The following PDK1 variants were observed in gnomAD, a reference collection of about 807,000 sequenced individuals.
PDK1 encodes the protein [Pyruvate dehydrogenase (acetyl-transferring)] kinase isozyme 1, mitochondrial.
In PDK1, 39 loss-of-function variants were observed where a neutral mutation model predicts 54.2. The observed-to-expected ratio is 0.72, with a 90% confidence interval of 0.56 to 0.94. PDK1 has a LOEUF of 0.94. Ranked by LOEUF, PDK1 falls within the 40% of genes least tolerant of loss-of-function variation. PDK1 has a pLI of 0.00. For missense variants in PDK1, 552 were observed against 566.0 expected (o/e 0.98, Z 0.25); for synonymous variants, 221 against 207.1 (o/e 1.07, Z -0.58).
At chr2:172,650,637 C>G in the PDK1 span, among the ~76,000 whole-genome samples, 1 of 151,976 alleles carries the variant, frequency 6.6e-6, no homozygotes, top group Admixed American at 6.6e-5. Flanking sequence ...GGAGGAAGAT[C>G]TACCAAGCAA....
At position 172,604,084 on chromosome 2, in the gene PDK1, T is replaced by C. The variant is rs984179512; in HGVS notation, c.*8115T>C. On this transcript the variant is annotated 3_prime_UTR_variant, in exon 11 of 11. Coordinates refer to ENST00000282077, the MANE Select transcript of PDK1 (RefSeq NM_002610.5). The stretch of plus-strand genomic sequence containing the variant: ...TTTATGAACATGGCGTATATCTTTT[T>C]TGGCGGGGGGTGAGGACAGAGTCTT... The C allele has an allele frequency of 2.0e-5, 3 of 152,224 alleles. No homozygotes were observed. Among genetic ancestry groups the C allele is most frequent in the African/African-American group, 7.2e-5 (3 of 41,448 alleles). 9.4% of individuals were successfully genotyped at this position (152,224 alleles called of 1,614,324 possible).
intron 8 of PDK1, among the ~76,000 whole-genome samples, chr2:172,582,170 T>TC (rs1689948399): frequency 6.6e-6 from 1 of 152,172 alleles, no homozygotes; most frequent in African/African-American, 2.4e-5. Flanking sequence ...CACCTCAGAC[T>TC]CCCAAAGTGC....
At chr2:172,582,310 T>C (rs911186181) in intron 8 of PDK1, among the ~76,000 whole-genome samples, 10 of 152,336 alleles carry the variant, frequency 6.6e-5, no homozygotes, top group South Asian at 2.1e-4. Flanking sequence ...TAAGAAACTT[T>C]AGGAACTCTG....
chr2:172,672,544 A>G, the PDK1 span, among the ~76,000 whole-genome samples: 1 of 152,004 alleles, frequency 6.6e-6, no homozygotes, highest in Non-Finnish European at 1.5e-5. Context: ...TACCCTTCAC[A>G]GATACTGCAT....
At chr2:172,591,185 G>A (rs1379716441) in intron 9 of PDK1, among the ~76,000 whole-genome samples, 1 of 152,204 alleles carries the variant, frequency 6.6e-6, no homozygotes, top group Non-Finnish European at 1.5e-5. Context: ...TTGACAAGGA[G>A]GTTAAAAATA....
chr2:172,655,121 G>A, the PDK1 span, among the ~76,000 whole-genome samples: 14 of 152,248 alleles, frequency 9.2e-5, no homozygotes, highest in Admixed American at 2.6e-4. Flanking sequence ...GAGCTCCCCC[G>A]CTATCCAGCC....
At chr2:172,649,859 C>T in the PDK1 span, among the ~76,000 whole-genome samples, 110 of 152,164 alleles carry the variant, frequency 7.2e-4, no homozygotes, top group Admixed American at 2.4e-3. Context: ...AATTTACGTC[C>T]GATTGGTGTA....
At chr2:172,664,963 A>C in the PDK1 span, among the ~76,000 whole-genome samples, 1 of 152,232 alleles carries the variant, frequency 6.6e-6, no homozygotes, top group African/African-American at 2.4e-5. Flanking sequence ...GATGTTTTCA[A>C]ACTTTTTGGT....
the PDK1 span, among the ~76,000 whole-genome samples, chr2:172,622,470 CATATT>C: frequency 7.5e-5 from 10 of 134,028 alleles, no homozygotes; most frequent in South Asian, 1.9e-3. Context: ...GTTTATATCT[CATATT>C]ATGTGAGATA....
chr2:172,555,908 C>T (rs973035805), upstream of PDK1: 3 of 357,962 alleles, frequency 8.4e-6, no homozygotes, highest in South Asian at 3.1e-4. Flanking sequence ...CCTCGGGAGG[C>T]TGGGCGGGAC....
the PDK1 span, among the ~76,000 whole-genome samples, chr2:172,650,625 A>T: frequency 1.3e-5 from 2 of 152,152 alleles, no homozygotes; most frequent in Non-Finnish European, 2.9e-5. Context: ...AAATAAAGGG[A>T]TGGAGGAAGA....
chr2:172,570,882 A>T, intron 8 of PDK1, 58 bp downstream of exon 8: 2 of 928,460 alleles, frequency 2.2e-6, no homozygotes, highest in Non-Finnish European at 1.7e-6. Flanking sequence ...ATGAACAGAC[A>T]TGCAAAGGTA....
Position 172,599,015 on chromosome 2 carries a change from A to G in PDK1, c.*3046A>G, listed in dbSNP as rs931941415. On this transcript the variant is annotated 3_prime_UTR_variant, in exon 11 of 11. Transcript: ENST00000282077. ...GGAGAAAGCAAGAGGTAGAGTTTGTATGTTTGACTTACCTTAGATTTTTAT... is the reference window on the plus strand; with the variant it reads ...GGAGAAAGCAAGAGGTAGAGTTTGTGTGTTTGACTTACCTTAGATTTTTAT... 7.2e-5 allele frequency: 11 copies of G among 152,124 alleles called. No individual in the cohort carries two copies. Among genetic ancestry groups the G allele is most frequent in the Admixed American group, 6.6e-4 (10 of 15,256 alleles). The allele number at this position is 152,124 out of a possible 1,614,324, so 9.4% of individuals were successfully genotyped here.
chr2:172,571,785 G>A (rs1416142245), intron 8 of PDK1, among the ~76,000 whole-genome samples: 1 of 142,160 alleles, frequency 7.0e-6, no homozygotes, highest in East Asian at 2.1e-4. Context: ...CTGGCCCTTT[G>A]TAGGCCTCAT....
the PDK1 span, among the ~76,000 whole-genome samples, chr2:172,644,814 T>C: frequency 2.6e-5 from 4 of 152,266 alleles, no homozygotes; most frequent in African/African-American, 9.6e-5. Flanking sequence ...ACATAAGGAG[T>C]GTGATGTCAG....
In PDK1 at chr2:172,606,753, A is replaced by C. The variant is rs1691311071; in HGVS notation, c.*10784A>C. 6.6e-6 allele frequency: 1 copy of C among 151,832 alleles called. No homozygotes were observed. Among genetic ancestry groups the C allele is most frequent in the Non-Finnish European group, 1.5e-5 (1 of 67,966 alleles). The allele number at this position is 151,832 out of a possible 1,614,324, so 9.4% of individuals were successfully genotyped here. A position where few individuals can be genotyped will look rare whatever the true frequency, so the allele number is the denominator to read the frequency against. ...CCTTTTTTTTTTAAAAAAAAAAAAA[A>C]ACCTTTTTCATGTTGAAGTTCACAT... is the stretch of plus-strand genomic sequence containing the variant. On this transcript the variant is annotated 3_prime_UTR_variant, in exon 11 of 11. Coordinates refer to ENST00000282077, the MANE Select transcript of PDK1 (RefSeq NM_002610.5).
intron 9 of PDK1, among the ~76,000 whole-genome samples, chr2:172,592,349 C>G (rs1451579360): frequency 2.0e-5 from 3 of 152,030 alleles, no homozygotes; most frequent in Admixed American, 1.3e-4. Flanking sequence ...TCCTCTTTGT[C>G]TCTTCCTCTC....
the PDK1 span, among the ~76,000 whole-genome samples, chr2:172,650,272 C>T: frequency 6.6e-6 from 1 of 152,154 alleles, no homozygotes; most frequent in Non-Finnish European, 1.5e-5. Context: ...CCTTTACAGA[C>T]AAACAAATGC....
Position 172,606,679 on chromosome 2 carries a change from T to G in PDK1, c.*10710T>G, listed in dbSNP as rs1157152268. ...TGCAGTAAAGTCAAATTCCTAGATT[T>G]TAGTGCTCTGTGGTAGCAGAGAGAA... On this transcript the variant is annotated 3_prime_UTR_variant, in exon 11 of 11. Transcript: ENST00000282077. 6.6e-6 allele frequency: 1 copy of G among 152,000 alleles called. No individual in the cohort carries two copies. 9.4% of individuals were successfully genotyped at this position (152,000 alleles called of 1,614,324 possible). A position where few individuals can be genotyped will look rare whatever the true frequency, so the allele number is the denominator to read the frequency against.
Sources: allele counts gnomAD v4.1 joint callset (sites outside exome capture counted in the v4.1 genomes callset), GRCh38; gene constraint gnomAD v4.1.1; transcripts MANE v1.5; gene names NCBI Gene and HGNC (gene_info 2026-07-23, HGNC 2026-07-21).